Variants in RBFOX1 observed in about 807,000 individuals in gnomAD.
RBFOX1 encodes RNA binding protein fox-1 homolog 1.
Under a neutral mutation model 57.7 loss-of-function variants are expected in RBFOX1, and 8 were observed. The observed-to-expected ratio is 0.14, with a 90% CI of 0.08 to 0.25. The LOEUF (loss-of-function observed/expected upper bound fraction) is 0.25. Among genes scored for constraint, RBFOX1 ranks in the 10% least tolerant of loss-of-function variants. The pLI is 1.00. For missense variants in RBFOX1, 611 were observed against 548.5 expected, an observed-to-expected ratio of 1.11 and a Z score of -1.14; for synonymous variants, 326 against 222.4, an observed-to-expected ratio of 1.47 and a Z score of -4.15.
At chr16:5,985,758 G>A (rs960605803) in intron 4 of RBFOX1, among the ~76,000 whole-genome samples, 3 of 152,154 alleles carry the variant, frequency 2.0e-5, no homozygotes, top group Admixed American at 1.3e-4. Context: ...CAAGAATCCA[G>A]TGTGTCCTCA....
chr16:6,073,954 CTTTTCT>C, intron 1 of RBFOX1, among the ~76,000 whole-genome samples: 1 of 151,868 alleles, frequency 6.6e-6, no homozygotes. Context: ...AGTGAAGGTT[CTTTTCT>C]TTTTCTGAGA....
chr16:6,849,048 G>A lies in RBFOX1; in HGVS notation c.-16+194398G>A, dbSNP rs13337108. Among the ~76,000 whole-genome samples, 300 of 152,296 alleles carry A rather than the reference G, an allele frequency of 2.0e-3. 1 individual carries two copies. Among genetic ancestry groups the A allele is most frequent in the African/African-American group, 6.6e-3 (274 of 41,572 alleles). On this transcript the variant is annotated intron_variant, in intron 3 of 15. Coordinates refer to ENST00000550418, the MANE Select transcript of RBFOX1 (RefSeq NM_018723.4). Reference sequence around the variant, plus strand: ...GCCAGGCTTACGTGTCCCTGAACCTGCAGATTTAGGAAAAAGTAAACAGCT... The same window carrying A: ...GCCAGGCTTACGTGTCCCTGAACCTACAGATTTAGGAAAAAGTAAACAGCT...
intron 3 of RBFOX1, among the ~76,000 whole-genome samples, chr16:6,954,702 C>A (rs1249263725): frequency 6.6e-6 from 1 of 151,970 alleles, no homozygotes; most frequent in Admixed American, 6.6e-5. Context: ...GTGCAGGTGC[C>A]CAAGTCTAGC....
chr16:6,920,230 C>T lies in RBFOX1; in HGVS notation c.-15-131827C>T, dbSNP rs541052793. On this transcript the variant is annotated intron_variant, in intron 3 of 15. Transcript: ENST00000550418. ...ATTTTTGCAATTGCAAATTGTGCTG[C>T]TATAAACATGGGTATGCACATGTGT... Among the ~76,000 whole-genome samples, 117 of 145,584 alleles carry T rather than the reference C, an allele frequency of 8.0e-4. 4 individuals carry two copies. In the Admixed American group the frequency reaches 8.1e-3, roughly 10 times the overall value.
At position 6,019,386 on chromosome 16, in the gene RBFOX1, T is replaced by A; in HGVS notation, c.-733T>A. The A allele has an allele frequency of 1.0e-6, 1 of 985,408 alleles. No individual in the cohort carries two copies. The highest frequency in any genetic ancestry group is 1.2e-6 in the Non-Finnish European group (1 of 830,198). The allele number at this position is 985,408 out of a possible 1,614,324, so 61.0% of individuals were successfully genotyped here. ...GACTGGCTGCGCTGCCCTGAAGTGGTTCTCCAAGCAGCGCGGAGGGTGGCG... is the reference window on the plus strand; with the variant it reads ...GACTGGCTGCGCTGCCCTGAAGTGGATCTCCAAGCAGCGCGGAGGGTGGCG... On this transcript the variant is annotated 5_prime_UTR_variant, in exon 1 of 16. Transcript: ENST00000550418. The surrounding 1 kb of genome is among the most constrained non-coding windows in gnomAD (Gnocchi z 4.2).
intron 3 of RBFOX1, among the ~76,000 whole-genome samples, chr16:6,658,268 C>T (rs185383506): frequency 6.6e-6 from 1 of 151,154 alleles, no homozygotes; most frequent in African/African-American, 2.4e-5. Context: ...AACAGTCTCC[C>T]TCTGTCTCAA....
intron 2 of RBFOX1, among the ~76,000 whole-genome samples, chr16:6,547,478 A>T (rs1300269971): frequency 6.6e-6 from 1 of 152,150 alleles, no homozygotes; most frequent in African/African-American, 2.4e-5. Context: ...AGTATCTTTA[A>T]TTGCTGATAA....
intron 4 of RBFOX1, among the ~76,000 whole-genome samples, chr16:7,312,246 G>A (rs1036904555): frequency 2.0e-5 from 3 of 152,172 alleles, no homozygotes; most frequent in East Asian, 3.9e-4. Flanking sequence ...TGAGCGTGGT[G>A]GAGCACACTT....
intron 3 of RBFOX1, among the ~76,000 whole-genome samples, chr16:6,726,174 C>T (rs777319745): frequency 1.4e-4 from 21 of 152,078 alleles, no homozygotes; most frequent in Admixed American, 6.5e-5. Flanking sequence ...ATGGATCCTG[C>T]GTTTCATGCA....
At chr16:5,489,945 G>A (rs1375591340) in intron 2 of RBFOX1, among the ~76,000 whole-genome samples, 1 of 152,212 alleles carries the variant, frequency 6.6e-6, no homozygotes, top group Non-Finnish European at 1.5e-5. Context: ...ACAGCCCAGA[G>A]CATCTGGAAG....
chr16:6,326,332 G>A (rs1036463148), intron 2 of RBFOX1, among the ~76,000 whole-genome samples: 6 of 152,126 alleles, frequency 3.9e-5, no homozygotes, highest in African/African-American at 1.4e-4. Context: ...GATAACATTG[G>A]AAGATAAAAC....
At chr16:5,296,507 C>A (rs114655322) in intron 1 of RBFOX1, among the ~76,000 whole-genome samples, 2,868 of 151,516 alleles carry the variant, frequency 0.019, 79 homozygotes, top group African/African-American at 0.065. Context: ...AAAAAGTCAA[C>A]GAGACAAATC....
chr16:7,125,921 A>G (rs536657118), intron 4 of RBFOX1, among the ~76,000 whole-genome samples: 7 of 152,216 alleles, frequency 4.6e-5, no homozygotes, highest in South Asian at 4.2e-4. Flanking sequence ...CATCTCTACT[A>G]AAAATACAAA....
intron 3 of RBFOX1, among the ~76,000 whole-genome samples, chr16:6,907,311 T>A (rs1476562358): frequency 1.3e-5 from 2 of 152,152 alleles, no homozygotes; most frequent in Non-Finnish European, 2.9e-5. Context: ...CCTTCAGTAT[T>A]CCCAGTGCCC....
chr16:6,090,800 C>G (rs1041477865), intron 1 of RBFOX1, among the ~76,000 whole-genome samples: 12 of 152,118 alleles, frequency 7.9e-5, no homozygotes, highest in African/African-American at 2.9e-4. Flanking sequence ...ATCCGTTAAG[C>G]TGTACAAATG....
At chr16:5,268,533 C>T (rs562571147) in intron 1 of RBFOX1, among the ~76,000 whole-genome samples, 4 of 152,338 alleles carry the variant, frequency 2.6e-5, no homozygotes, top group African/African-American at 9.6e-5. Flanking sequence ...CTGTGGCTCA[C>T]CAGGTCCAAT....
intron 1 of RBFOX1, among the ~76,000 whole-genome samples, chr16:5,253,084 C>G (rs1275715465): frequency 1.3e-5 from 2 of 152,172 alleles, no homozygotes; most frequent in Non-Finnish European, 2.9e-5. Flanking sequence ...TCTGTAGAAA[C>G]CAGGCTCAGC....
At chr16:6,662,069 G>C (rs1460841685) in intron 3 of RBFOX1, among the ~76,000 whole-genome samples, 2 of 151,310 alleles carry the variant, frequency 1.3e-5, no homozygotes, top group Middle Eastern at 3.2e-3. Context: ...CTTTTACCTG[G>C]AATCTAAGAA....
At chr16:6,408,724 C>G (rs1047327901) in intron 2 of RBFOX1, among the ~76,000 whole-genome samples, 1 of 152,148 alleles carries the variant, frequency 6.6e-6, no homozygotes, top group Non-Finnish European at 1.5e-5. Flanking sequence ...AGGCAAAGGG[C>G]ATGGCATTAG....
Sources: gnomAD v4.1 joint callset for allele counts (sites outside exome capture counted in the v4.1 genomes callset) on GRCh38, gnomAD v4.1.1 for gene constraint, Gnocchi (gnomAD v3.1) non-coding constraint, MANE v1.5 for transcripts, NCBI Gene and HGNC (gene_info 2026-07-23, HGNC 2026-07-21) for gene names.